Variants in TLK2 observed in about 807,000 individuals in gnomAD.
The protein encoded by TLK2 is tousled like kinase 2.
Under a neutral mutation model 117.3 loss-of-function variants are expected in TLK2, and 6 were observed. The observed-to-expected ratio is 0.05, with a 90% confidence interval of 0.03 to 0.10. The LOEUF is 0.10. Among genes scored for constraint, TLK2 ranks in the 10% least tolerant of loss-of-function variants. TLK2 has a pLI of 1.00. For missense variants in TLK2, 299 were observed against 901.2 expected (o/e 0.33, Z 8.56); for synonymous variants, 257 against 316.7 (o/e 0.81, Z 2.00).
upstream of TLK2, among the ~76,000 whole-genome samples, chr17:62,475,505 G>C (rs2071021520): frequency 6.6e-6 from 1 of 151,904 alleles, no homozygotes; most frequent in South Asian, 2.1e-4. Context: ...ACCACGCTCA[G>C]CTAATTTAAA....
At chr17:62,576,187 G>T (rs2080771864) in intron 12 of TLK2, among the ~76,000 whole-genome samples, 1 of 152,204 alleles carries the variant, frequency 6.6e-6, no homozygotes, top group Admixed American at 6.5e-5. Flanking sequence ...AGTTAAAGAG[G>T]TTAAATTTGC....
intron 11 of TLK2, among the ~76,000 whole-genome samples, chr17:62,568,184 C>G (rs1294988597): frequency 6.6e-6 from 1 of 151,888 alleles, no homozygotes; most frequent in Non-Finnish European, 1.5e-5. Context: ...GTAATCCCAG[C>G]ACTTTGGGAG....
In TLK2 at chr17:62,519,981, C is replaced by G. The variant is rs2465450; in HGVS notation, c.82-792C>G. ...TAGACTGAAACTTGTCACACTCTTG[C>G]AAGTGAAGTTAGGTCCTTTGAGATA... On this transcript the variant is annotated intron_variant, in intron 2 of 21. Coordinates refer to ENST00000346027, the MANE Select transcript of TLK2 (RefSeq NM_006852.6). Among the ~76,000 whole-genome samples the G allele has an allele frequency of 2.3e-4, 35 of 152,290 alleles. No homozygotes were observed. In the East Asian group the frequency reaches 6.2e-3, roughly 27 times the overall value.
At chr17:62,483,849 A>T (rs1345272887) in intron 2 of TLK2, among the ~76,000 whole-genome samples, 4 of 151,178 alleles carry the variant, frequency 2.6e-5, no homozygotes, top group Non-Finnish European at 5.9e-5. Context: ...TTTTTGAGAC[A>T]GAGTTTTGCT....
chr17:62,533,993 A>G (rs1281858198), intron 6 of TLK2, among the ~76,000 whole-genome samples: 1 of 152,030 alleles, frequency 6.6e-6, no homozygotes, highest in Middle Eastern at 3.2e-3. Flanking sequence ...TTATATATCT[A>G]TATTATATAG....
In TLK2 at chr17:62,483,434, T is replaced by G. The variant is rs543528733; in HGVS notation, c.81+2228T>G. 7.9e-3 allele frequency among the ~76,000 whole-genome samples: 1,211 copies of G among 152,368 alleles called. 20 individuals are homozygous for G. The highest frequency in any genetic ancestry group is 0.028 in the African/African-American group (1,163 of 41,584). The stretch of plus-strand genomic sequence containing the variant: ...AAACTTTAATACAGTAACCTATCTG[T>G]TTAATAGGAAATTCTACCTTTAACA... On this transcript the variant is annotated intron_variant, in intron 2 of 21. Coordinates refer to ENST00000346027, the MANE Select transcript of TLK2 (RefSeq NM_006852.6).
At chr17:62,552,661 CCTT>C (rs1051379730) in intron 8 of TLK2, among the ~76,000 whole-genome samples, 3 of 148,190 alleles carry the variant, frequency 2.0e-5, no homozygotes, top group Non-Finnish European at 4.4e-5. Flanking sequence ...AAACTGCACA[CCTT>C]TTTTTTTTTT....
At chr17:62,574,377 C>A in intron 12 of TLK2, 1 of 1,530,228 alleles carries the variant, frequency 6.5e-7, no homozygotes, top group Admixed American at 1.9e-5. Context: ...CTAAAGGATA[C>A]AGCCCCAGCC....
At chr17:62,605,368 C>CTTTT (rs1414351111) in intron 19 of TLK2, among the ~76,000 whole-genome samples, 17 of 152,046 alleles carry the variant, frequency 1.1e-4, no homozygotes, top group African/African-American at 4.1e-4. Context: ...TTACTGCCTC[C>CTTTT]CTAAGTTAGA....
intron 16 of TLK2, among the ~76,000 whole-genome samples, chr17:62,595,472 G>A (rs745493820): frequency 2.6e-5 from 4 of 151,906 alleles, no homozygotes; most frequent in African/African-American, 7.3e-5. Flanking sequence ...GTTTACACCA[G>A]CATCACCACA....
intron 1 of TLK2, among the ~76,000 whole-genome samples, chr17:62,473,107 G>T (rs1364005907): frequency 2.6e-5 from 4 of 152,164 alleles, no homozygotes; most frequent in Admixed American, 6.6e-5. Context: ...TTGCGTACAG[G>T]CTGTGGGGCT....
chr17:62,497,955 CA>C (rs2073857979), intron 2 of TLK2, among the ~76,000 whole-genome samples: 1 of 152,196 alleles, frequency 6.6e-6, no homozygotes, highest in African/African-American at 2.4e-5. Context: ...CTTGGCCTCC[CA>C]AAGTGCTGGG....
intron 9 of TLK2, among the ~76,000 whole-genome samples, chr17:62,554,514 G>A (rs749431727): frequency 3.3e-5 from 5 of 152,132 alleles, no homozygotes; most frequent in Non-Finnish European, 5.9e-5. Context: ...CCTGGGAGGC[G>A]GAGGTTGCAG....
At chr17:62,545,408 T>C (rs2077831784) in intron 7 of TLK2, among the ~76,000 whole-genome samples, 1 of 152,180 alleles carries the variant, frequency 6.6e-6, no homozygotes, top group Admixed American at 6.5e-5. Flanking sequence ...GGGACATCCT[T>C]GTCTTTCTTG....
chr17:62,518,918 C>G (rs1185822580), intron 2 of TLK2, among the ~76,000 whole-genome samples: 1 of 152,158 alleles, frequency 6.6e-6, no homozygotes, highest in Non-Finnish European at 1.5e-5. Context: ...GGCTCTGTCA[C>G]CCAGGCTGGA....
At chr17:62,563,244 A>G (rs183511742) in intron 10 of TLK2, among the ~76,000 whole-genome samples, 3 of 152,324 alleles carry the variant, frequency 2.0e-5, no homozygotes, top group African/African-American at 4.8e-5. Context: ...ATTCACATAT[A>G]TAAGGAAACC....
intron 2 of TLK2, among the ~76,000 whole-genome samples, chr17:62,489,174 CGTGTGTGTGT>C (rs59470331): frequency 1.3e-4 from 18 of 140,740 alleles, no homozygotes; most frequent in African/African-American, 4.5e-4. Flanking sequence ...TTTAATTGTA[CGTGTGTGTGT>C]GTGTGTGTGT....
At chr17:62,487,616 G>A (rs1411357765) in intron 2 of TLK2, among the ~76,000 whole-genome samples, 1 of 120,218 alleles carries the variant, frequency 8.3e-6, no homozygotes, top group East Asian at 2.9e-4. Context: ...TCCTTGGCAA[G>A]TATCTTTTTT....
intron 16 of TLK2, among the ~76,000 whole-genome samples, chr17:62,591,408 G>A (rs141293339): frequency 1.6e-4 from 24 of 151,818 alleles, no homozygotes; most frequent in Non-Finnish European, 2.9e-4. Context: ...GGGTTGGGGA[G>A]GCCAAAGCTA....
Sources: gnomAD v4.1 joint callset for allele counts (sites outside exome capture counted in the v4.1 genomes callset) on GRCh38, gnomAD v4.1.1 for gene constraint, MANE v1.5 for transcripts, NCBI Gene and HGNC (gene_info 2026-07-23, HGNC 2026-07-21) for gene names.